Variants in GPR143 observed in about 807,000 individuals in gnomAD.
The protein encoded by GPR143 is G protein-coupled receptor 143.
In GPR143, 8 loss-of-function variants were observed where a neutral mutation model predicts 27.6. The observed-to-expected ratio is 0.29, with a 90% CI of 0.17 to 0.52. The LOEUF (loss-of-function observed/expected upper bound fraction) is 0.52. Ranked by LOEUF, GPR143 falls within the 20% of genes least tolerant of loss-of-function variation. The pLI, the probability that GPR143 is intolerant of heterozygous loss-of-function variation, is 0.96. For synonymous variants in GPR143, 156 were observed against 153.2 expected (o/e 1.02, Z -0.13); for missense variants, 303 against 343.1 (o/e 0.88, Z 0.92).
rs2083528273 is a variant in GPR143, at chrX:9,765,642, G to T, written c.176C>A (p.Ser59Tyr). ...CGAGGCCGGCGGGGACGTCGCGGGG[G>T]ACCCGGGGCCCGCGGGCCGGCGGCC... is the stretch of plus-strand genomic sequence containing the variant. ...LPGRRPAGPG[S>Y]PATSPPASVR... Residue 59 changes from serine to tyrosine, a missense_variant, in exon 1 of 9, where the codon TCC becomes TAC. Transcript: ENST00000467482. 18 of 982,373 alleles carry T rather than the reference G, an allele frequency of 1.8e-5. No individual in the cohort carries two copies. Among genetic ancestry groups the T allele is most frequent in the Non-Finnish European group, 2.0e-5 (16 of 784,999 alleles). The allele number at this position is 982,373 out of a possible 1,213,427, so 81.0% of individuals were successfully genotyped here. A position where few individuals can be genotyped will look rare whatever the true frequency, so the allele number is the denominator to read the frequency against.
chrX:9,759,539 C>T, intron 2 of GPR143, 113 bp from the exon 3 acceptor site: 4 of 537,471 alleles, frequency 7.4e-6, no homozygotes, highest in South Asian at 7.4e-5. Flanking sequence ...GGAAGCCGCA[C>T]GTGACAGCTC....
At chrX:9,728,794 C>A (rs1199785234) in intron 8 of GPR143, among the ~76,000 whole-genome samples, 1 of 105,297 alleles carries the variant, frequency 9.5e-6, no homozygotes, top group Non-Finnish European at 1.9e-5. Flanking sequence ...GCCTGGGCAA[C>A]AGAGTGAGAT....
intron 8 of GPR143, among the ~76,000 whole-genome samples, chrX:9,726,208 A>G (rs2083326745): frequency 9.1e-6 from 1 of 109,922 alleles, no homozygotes; most frequent in African/African-American, 3.3e-5. Flanking sequence ...AGCAGAACAC[A>G]CTCTTGTGAC....
intron 8 of GPR143, among the ~76,000 whole-genome samples, chrX:9,734,255 G>A (rs1168179401): frequency 9.0e-6 from 1 of 110,681 alleles, no homozygotes; most frequent in East Asian, 2.8e-4. Flanking sequence ...GGACTGTGGG[G>A]AAGAATGCCA....
At chrX:9,770,288 C>T (rs1029241222), upstream of GPR143, among the ~76,000 whole-genome samples, 2 of 97,765 alleles carry the variant, frequency 2.0e-5, no homozygotes, top group African/African-American at 4.1e-5. Flanking sequence ...CCAGCCTGGG[C>T]GACAGAGCAA....
rs1192687858 is a variant in GPR143, at chrX:9,758,696, G to A, written c.455+636C>T. On this transcript the variant is annotated intron_variant, in intron 3 of 8. Coordinates refer to ENST00000467482, the MANE Select transcript of GPR143 (RefSeq NM_000273.3). ...AGCCAGGAGTTTGAGACCAGCCTGGGCTGCATAGCAAGACCCCATCTCTAC... is the reference window on the plus strand; with the variant it reads ...AGCCAGGAGTTTGAGACCAGCCTGGACTGCATAGCAAGACCCCATCTCTAC... 2.7e-5 allele frequency among the ~76,000 whole-genome samples: 3 copies of A among 111,669 alleles called. No individual in the cohort carries two copies. The East Asian group carries it at 8.4e-4, about 31-fold the overall frequency.
In GPR143 at chrX:9,760,569, G is replaced by A. The variant is rs142774657; in HGVS notation, c.360+148C>T. 516 of 468,584 alleles carry A rather than the reference G, an allele frequency of 1.1e-3. 3 individuals carry two copies. Among genetic ancestry groups the A allele is most frequent in the African/African-American group, 0.01 (428 of 41,547 alleles). 38.6% of individuals were successfully genotyped at this position (468,584 alleles called of 1,213,427 possible). A position where few individuals can be genotyped will look rare whatever the true frequency, so the allele number is the denominator to read the frequency against. On this transcript the variant is annotated intron_variant, in intron 2 of 8. Coordinates refer to ENST00000467482, the MANE Select transcript of GPR143 (RefSeq NM_000273.3). ...TGGGCAGCATCCCCTGGAGGGTTTT[G>A]TTAAAACAGAGAGGGCTGGGTTCCT...
rs142093562 is a variant in GPR143 at position 9,737,711 on chromosome X, T to G, written c.1120+1774A>C. Among the ~76,000 whole-genome samples the G allele has an allele frequency of 1.2e-3, 139 of 112,019 alleles. 1 individual carries two copies. The highest frequency in any genetic ancestry group is 4.2e-3 in the African/African-American group (131 of 30,824). On this transcript the variant is annotated intron_variant, in intron 8 of 8. Transcript: ENST00000467482. ...ATGGTACGTTAATTATATCTGAAAT[T>G]TTTTAAAAAGCCAAGGGACCAGGTG...
intron 8 of GPR143, among the ~76,000 whole-genome samples, chrX:9,730,010 C>G (rs2083345984): frequency 8.9e-6 from 1 of 112,539 alleles, no homozygotes; most frequent in Non-Finnish European, 1.9e-5. Context: ...TATTACTGTG[C>G]TACAGTTGCC....
chrX:9,729,613 G>A (rs1281168948), intron 8 of GPR143, among the ~76,000 whole-genome samples: 1 of 112,394 alleles, frequency 8.9e-6, no homozygotes, highest in African/African-American at 3.2e-5. Context: ...GGTCTTAAAG[G>A]TCTCTGTGAG....
intron 1 of GPR143, among the ~76,000 whole-genome samples, chrX:9,778,143 G>C (rs889169035): frequency 8.9e-6 from 1 of 112,007 alleles, no homozygotes; most frequent in Non-Finnish European, 1.9e-5. Flanking sequence ...CGGCTTACAA[G>C]AAATGTTGGA....
intron 3 of GPR143, among the ~76,000 whole-genome samples, chrX:9,755,506 A>G (rs1199938799): frequency 9.0e-6 from 1 of 110,975 alleles, no homozygotes; most frequent in African/African-American, 3.3e-5. Context: ...AAAAAAAAAA[A>G]AACTAACTTC....
At chrX:9,765,537 A>G in intron 1 of GPR143, 31 bp downstream of exon 1, 1 of 1,071,050 alleles carries the variant, frequency 9.3e-7, no homozygotes. Flanking sequence ...CGCTGATCAG[A>G]TTCCAACCCG....
At position 9,759,325 on chromosome X, in the gene GPR143, T is replaced by A. The variant is rs748188612; in HGVS notation, c.455+7A>T. ...TAGGGCAGAAATCCCATTTCCTCGG[T>A]GAATACCTCAGTCCTGCCGATCTCC... is the stretch of plus-strand genomic sequence containing the variant. On this transcript the variant is annotated splice_region_variant and intron_variant, in intron 3 of 8. Coordinates refer to ENST00000467482, the MANE Select transcript of GPR143 (RefSeq NM_000273.3). 8.9e-7 allele frequency: 1 copy of A among 1,122,162 alleles called. No individual in the cohort carries two copies. The highest frequency in any genetic ancestry group is 1.2e-6 in the Non-Finnish European group (1 of 819,339). The allele number at this position is 1,122,162 out of a possible 1,213,427, so 92.5% of individuals were successfully genotyped here.
At chrX:9,738,439 T>C (rs1165328583) in intron 8 of GPR143, 7 of 744,711 alleles carry the variant, frequency 9.4e-6, no homozygotes, top group Non-Finnish European at 1.1e-5. Flanking sequence ...TGTAAATAAA[T>C]CTTCTCTCTG....
chrX:9,770,358 G>GAGAGAGAGAGAGAGAGAGAGAGAGA (rs1569127514), upstream of GPR143, among the ~76,000 whole-genome samples: 21 of 76,582 alleles, frequency 2.7e-4, no homozygotes, highest in African/African-American at 1.1e-3. Flanking sequence ...AGAGAGAGAG[G>GAGAGAGAGAGAGAGAGAGAGAGAGA]AAGACCAGCC....
intron 8 of GPR143, among the ~76,000 whole-genome samples, chrX:9,733,081 A>G (rs1033630168): frequency 2.7e-5 from 3 of 110,765 alleles, no homozygotes; most frequent in Admixed American, 1.9e-4. Flanking sequence ...ATCGTGGGAG[A>G]AAAAAGGAAT....
intron 1 of GPR143, among the ~76,000 whole-genome samples, chrX:9,763,361 C>T (rs549198923): frequency 1.8e-5 from 2 of 111,103 alleles, no homozygotes; most frequent in South Asian, 7.7e-4. Context: ...GCCTGTAGTT[C>T]CAGCTGCTCA....
intron 8 of GPR143, chrX:9,738,431 T>C: frequency 5.3e-6 from 4 of 748,023 alleles, no homozygotes; most frequent in Non-Finnish European, 4.7e-6. Context: ...GGAAAGTCTG[T>C]AAATAAATCT....
Sources: allele counts gnomAD v4.1 joint callset (sites outside exome capture counted in the v4.1 genomes callset), GRCh38; gene constraint gnomAD v4.1.1; transcripts MANE v1.5; gene names NCBI Gene and HGNC (gene_info 2026-07-23, HGNC 2026-07-21).